The following KIF13B variants were observed in gnomAD, a reference collection of about 807,000 sequenced individuals.
KIF13B encodes kinesin-like protein KIF13B.
KIF13B carries 127 observed loss-of-function variants against 222.0 expected under a neutral mutation model. The ratio of observed to expected loss-of-function variants is 0.57; its 90% confidence interval spans 0.50 to 0.66. KIF13B has a LOEUF of 0.66. KIF13B is among the 30% of genes least tolerant of loss of function. The probability of loss-of-function intolerance (pLI) is 0.00; values close to 1 mark genes in which losing one functional copy is unlikely to be tolerated. For missense variants in KIF13B, 2,173 were observed against 2,379.0 expected (o/e 0.91, Z 1.80); for synonymous variants, 976 against 919.0 (o/e 1.06, Z -1.12).
At chr8:29,160,642 G>A in intron 13 of KIF13B, 91 bp downstream of exon 13, 1 of 1,224,032 alleles carries the variant, frequency 8.2e-7, no homozygotes, top group Non-Finnish European at 1.1e-6. Context: ...GCTGTTTTCT[G>A]AGTAAGCATG....
At chr8:29,149,594 G>T (rs1334448327) in intron 15 of KIF13B, among the ~76,000 whole-genome samples, 1 of 152,238 alleles carries the variant, frequency 6.6e-6, no homozygotes, top group African/African-American at 2.4e-5. Flanking sequence ...AGAAGGAGAA[G>T]ATTGCTGGGG....
chr8:29,103,038 C>G (rs907425650), intron 35 of KIF13B, among the ~76,000 whole-genome samples: 1 of 151,930 alleles, frequency 6.6e-6, no homozygotes, highest in Non-Finnish European at 1.5e-5. Flanking sequence ...GTCAGGAGAT[C>G]GAGACCATCC....
intron 2 of KIF13B, among the ~76,000 whole-genome samples, chr8:29,231,890 AT>A (rs1323734054): frequency 2.0e-5 from 3 of 152,158 alleles, no homozygotes; most frequent in African/African-American, 7.2e-5. Flanking sequence ...TTTTTTAAGA[AT>A]TATAAAGAAC....
rs117981899 is a variant in KIF13B at position 29,207,293 on chromosome 8, G to A, written c.150-11094C>T. On this transcript the variant is annotated intron_variant, in intron 2 of 39. Transcript: ENST00000524189. Reference sequence around the variant, plus strand: ...TACCAGGGTGCCTTTCCCATTGTTTGCCCTGGTGATAGCCTACTTCTCCTT... The same window carrying A: ...TACCAGGGTGCCTTTCCCATTGTTTACCCTGGTGATAGCCTACTTCTCCTT... Among the ~76,000 whole-genome samples the A allele has an allele frequency of 2.2e-3, 328 of 152,202 alleles. 1 individual carries two copies. The highest frequency in any genetic ancestry group is 3.4e-3 in the Middle Eastern group (1 of 294).
At chr8:29,216,209 C>T (rs1167082173) in intron 2 of KIF13B, among the ~76,000 whole-genome samples, 1 of 152,182 alleles carries the variant, frequency 6.6e-6, no homozygotes, top group Admixed American at 6.6e-5. Context: ...TTATCCTCTC[C>T]ACTTTGTAGA....
At chr8:29,206,587 T>A (rs1042563579) in intron 2 of KIF13B, among the ~76,000 whole-genome samples, 1 of 152,178 alleles carries the variant, frequency 6.6e-6, no homozygotes, top group African/African-American at 2.4e-5. Context: ...AAGATATGGT[T>A]TTCACCTTGA....
intron 13 of KIF13B, among the ~76,000 whole-genome samples, chr8:29,157,415 A>AT (rs1811583620): frequency 6.7e-6 from 1 of 150,358 alleles, no homozygotes; most frequent in Non-Finnish European, 1.5e-5. Flanking sequence ...AAAAAAAAAA[A>AT]ATTGTGGCCA....
chr8:29,155,965 T>A (rs1811505850), intron 13 of KIF13B, 109 bp from the exon 14 acceptor site: 1 of 758,322 alleles, frequency 1.3e-6, no homozygotes, highest in Admixed American at 2.6e-5. Context: ...GCGAAAATTT[T>A]TTTTATTTTT....
chr8:29,126,516 A>G lies in KIF13B; in HGVS notation c.3223-5T>C, dbSNP rs1209261157. On this transcript the variant is annotated splice_polypyrimidine_tract_variant and splice_region_variant and intron_variant, in intron 25 of 39. Transcript: ENST00000524189. ...GTCCATGTCTTCCTCTTCCTCCTAAAAGAAAATATACATTACAAAGAACTG... is the reference window on the plus strand; with the variant it reads ...GTCCATGTCTTCCTCTTCCTCCTAAGAGAAAATATACATTACAAAGAACTG... 4 of 1,501,618 alleles carry G rather than the reference A, an allele frequency of 2.7e-6. No homozygotes were observed. The highest frequency in any genetic ancestry group is 1.4e-5 in the African/African-American group (1 of 73,198). The allele number at this position is 1,501,618 out of a possible 1,614,324, so 93.0% of individuals were successfully genotyped here.
Position 29,160,820 on chromosome 8 carries a change from C to T in KIF13B, c.1317G>A (p.Ser439=), listed in dbSNP as rs374228964. The change falls in exon 13 of 40, where the codon TCG becomes TCA. Residue 439 remains serine, a synonymous_variant. Coordinates refer to ENST00000524189, the MANE Select transcript of KIF13B (RefSeq NM_015254.4). ...LESLGISLQS[S]GIKVGDDKCF... The stretch of plus-strand genomic sequence containing the variant: ...ATTTATCATCCCCAACTTTGATTCC[C>T]GAAGACTGAAGAGATATTCCAAGAC... 228 of 1,613,366 alleles carry T rather than the reference C, an allele frequency of 1.4e-4. No individual in the cohort carries two copies. Among genetic ancestry groups the T allele is most frequent in the Middle Eastern group, 1.2e-3 (7 of 6,058 alleles).
chr8:29,228,472 A>AAAAAAAAAAAAAAGTATATAT, intron 2 of KIF13B, among the ~76,000 whole-genome samples: 3 of 117,086 alleles, frequency 2.6e-5, no homozygotes, highest in African/African-American at 9.8e-5. Flanking sequence ...ATCTTAAAAA[A>AAAAAAAAAAAAAAGTATATAT]ATATATATAT....
At chr8:29,225,950 G>A (rs1340274640) in intron 2 of KIF13B, among the ~76,000 whole-genome samples, 1 of 152,254 alleles carries the variant, frequency 6.6e-6, no homozygotes, top group African/African-American at 2.4e-5. Context: ...AAGTGAGAGG[G>A]AACGTTTAAG....
At chr8:29,187,115 C>A (rs1421797300) in intron 5 of KIF13B, among the ~76,000 whole-genome samples, 1 of 152,170 alleles carries the variant, frequency 6.6e-6, no homozygotes, top group African/African-American at 2.4e-5. Context: ...AGTGCCTGCT[C>A]CCAACCAGTG....
chr8:29,097,827 A>G (rs1423360365), intron 36 of KIF13B, among the ~76,000 whole-genome samples: 1 of 152,226 alleles, frequency 6.6e-6, no homozygotes, highest in Non-Finnish European at 1.5e-5. Context: ...AATTATCAGT[A>G]TCAGAATAAA....
intron 1 of KIF13B, among the ~76,000 whole-genome samples, chr8:29,247,813 G>GT (rs1044741172): frequency 7.6e-6 from 1 of 132,124 alleles, no homozygotes; most frequent in Admixed American, 8.1e-5. Context: ...CAGCCTAGGT[G>GT]TGAGAGTAAG....
intron 14 of KIF13B, among the ~76,000 whole-genome samples, chr8:29,154,187 C>T (rs182700483): frequency 3.9e-4 from 60 of 152,206 alleles, no homozygotes; most frequent in Middle Eastern, 3.4e-3. Context: ...TGTGGTAACA[C>T]GCACCTGTAG....
At chr8:29,081,171 G>A (rs1056584645) in intron 37 of KIF13B, among the ~76,000 whole-genome samples, 36 of 152,172 alleles carry the variant, frequency 2.4e-4, no homozygotes, top group Middle Eastern at 3.2e-3. Flanking sequence ...ATCACTGTCA[G>A]TGAAATCTCT....
At chr8:29,161,976 T>C (rs2130122088) in intron 12 of KIF13B, among the ~76,000 whole-genome samples, 1 of 152,202 alleles carries the variant, frequency 6.6e-6, no homozygotes, top group East Asian at 1.9e-4. Context: ...AACAAACAAA[T>C]TTGCATATGC....
intron 2 of KIF13B, among the ~76,000 whole-genome samples, chr8:29,222,005 T>C (rs189061331): frequency 1.3e-5 from 2 of 152,288 alleles, no homozygotes; most frequent in East Asian, 3.9e-4. Flanking sequence ...AATTTTGTTC[T>C]AATATAAATT....
Sources: allele counts gnomAD v4.1 joint callset (sites outside exome capture counted in the v4.1 genomes callset), GRCh38; gene constraint gnomAD v4.1.1; transcripts MANE v1.5; gene names NCBI Gene and HGNC (gene_info 2026-07-23, HGNC 2026-07-21).